The following UQCRB variants were observed in gnomAD, a reference collection of about 807,000 sequenced individuals.
The protein encoded by UQCRB is ubiquinol-cytochrome c reductase binding protein.
In UQCRB, 12 loss-of-function variants were observed where a neutral mutation model predicts 19.8. The ratio of observed to expected loss-of-function variants is 0.61; its 90% CI spans 0.39 to 0.98. The LOEUF (loss-of-function observed/expected upper bound fraction) is 0.98. Ranked by LOEUF, UQCRB falls within the 50% of genes least tolerant of loss-of-function variation. The pLI is 0.00. For synonymous variants in UQCRB, 39 were observed against 42.9 expected (o/e 0.91, Z 0.35); for missense variants, 142 against 131.8 (o/e 1.08, Z -0.38).
Position 96,226,746 on chromosome 8 carries a change from T to A in UQCRB, c.*4309A>T, listed in dbSNP as rs1211988676. The A allele has an allele frequency of 2.5e-6, 1 of 394,018 alleles. No individual in the cohort carries two copies. Among genetic ancestry groups the A allele is most frequent in the African/African-American group, 2.1e-5 (1 of 47,182 alleles). 24.4% of individuals were successfully genotyped at this position (394,018 alleles called of 1,614,324 possible). A position where few individuals can be genotyped will look rare whatever the true frequency, so the allele number is the denominator to read the frequency against. On this transcript the variant is annotated 3_prime_UTR_variant, in exon 4 of 4. Transcript: ENST00000287022. The stretch of plus-strand genomic sequence containing the variant: ...TTACATTTATGCAAAAATAGGCACA[T>A]GTATTCAAACAAAAAGTTCAATAAA...
intron 3 of UQCRB, 36 bp from the exon 4 acceptor site, chr8:96,231,168 C>G (rs7837412): frequency 6.2e-7 from 1 of 1,614,108 alleles, no homozygotes; most frequent in African/African-American, 1.3e-5. Context: ...GTTACCATCA[C>G]GTACTGATAT....
rs1809631757 is a variant in UQCRB, at chr8:96,230,233, G to A, written c.*822C>T. 4 of 431,386 alleles carry A rather than the reference G, an allele frequency of 9.3e-6. No homozygotes were observed. Among genetic ancestry groups the A allele is most frequent in the African/African-American group, 4.1e-5 (2 of 48,862 alleles). 26.7% of individuals were successfully genotyped at this position (431,386 alleles called of 1,614,324 possible). Reference sequence around the variant, plus strand: ...TGGGATTACAGGTGCCTACCATCACGCCTAGCTAATTTTTTGTATTTTTAG... The same window carrying A: ...TGGGATTACAGGTGCCTACCATCACACCTAGCTAATTTTTTGTATTTTTAG... On this transcript the variant is annotated 3_prime_UTR_variant, in exon 4 of 4. Coordinates refer to ENST00000287022, the MANE Select transcript of UQCRB (RefSeq NM_006294.5).
At position 96,228,353 on chromosome 8, in the gene UQCRB, A is replaced by G. The variant is rs1481301287; in HGVS notation, c.*2702T>C. ...ATGTCACCCATCCAAAACACAAAAC[A>G]GGGAGATAGCCAAGTCTTAGCTCCA... is the stretch of plus-strand genomic sequence containing the variant. On this transcript the variant is annotated 3_prime_UTR_variant, in exon 4 of 4. Transcript: ENST00000287022. The G allele has an allele frequency of 2.2e-6, 1 of 454,134 alleles. No homozygotes were observed. Among genetic ancestry groups the G allele is most frequent in the Non-Finnish European group, 4.4e-6 (1 of 226,784 alleles). The allele number at this position is 454,134 out of a possible 1,614,324, so 28.1% of individuals were successfully genotyped here.
chr8:96,231,369 G>A (rs1462288499), intron 3 of UQCRB: 2 of 1,542,006 alleles, frequency 1.3e-6, no homozygotes, highest in Non-Finnish European at 1.7e-6. Flanking sequence ...AGAAATGAAT[G>A]TCCACAGGCC....
rs1180556311 is a variant in UQCRB, at chr8:96,224,135, C to T, written c.*6920G>A. On this transcript the variant is annotated 3_prime_UTR_variant, in exon 4 of 4. Transcript: ENST00000287022. ...GCCCAGTTCTGTGTGAGTCAGAGTCCTGGCAGGAAAGTGTGGCACACCCAA... is the reference window on the plus strand; with the variant it reads ...GCCCAGTTCTGTGTGAGTCAGAGTCTTGGCAGGAAAGTGTGGCACACCCAA... 2.0e-5 allele frequency among the ~76,000 whole-genome samples: 3 copies of T among 152,172 alleles called. No homozygotes were observed. Among genetic ancestry groups the T allele is most frequent in the Non-Finnish European group, 2.9e-5 (2 of 68,030 alleles).
Position 96,231,755 on chromosome 8 carries a change from G to A in UQCRB, c.258+19C>T. 6.2e-7 allele frequency: 1 copy of A among 1,614,080 alleles called. No homozygotes were observed. Among genetic ancestry groups the A allele is most frequent in the South Asian group, 1.1e-5 (1 of 91,086 alleles). On this transcript the variant is annotated intron_variant, in intron 3 of 3. Coordinates refer to ENST00000287022, the MANE Select transcript of UQCRB (RefSeq NM_006294.5). ...CATCCTTAATGAGCAACACTGTCAG[G>A]TAGATAAAGCTGTGCTACCTCTTCA...
chr8:96,233,474 G>A, intron 1 of UQCRB: 2 of 459,436 alleles, frequency 4.4e-6, no homozygotes, highest in South Asian at 2.6e-5. Flanking sequence ...AGTGGTTGCA[G>A]GAAAATGGTG....
rs1400214039 is a variant in UQCRB, at chr8:96,223,313, A to T, written c.*7742T>A. Among the ~76,000 whole-genome samples the T allele has an allele frequency of 6.6e-6, 1 of 152,216 alleles. No homozygotes were observed. The highest frequency in any genetic ancestry group is 1.5e-5 in the Non-Finnish European group (1 of 68,040). On this transcript the variant is annotated 3_prime_UTR_variant, in exon 4 of 4. Transcript: ENST00000287022. ...CCTTAAATAAAAAAGAAAAGACAAC[A>T]TAGCAATTTCAAGGAAGACAGAATT...
In UQCRB at chr8:96,228,226, T is replaced by C. The variant is rs1274636500; in HGVS notation, c.*2829A>G. 1 of 454,064 alleles carries C rather than the reference T, an allele frequency of 2.2e-6. No homozygotes were observed. The highest frequency in any genetic ancestry group is 2.3e-5 in the Admixed American group (1 of 42,564). The allele number at this position is 454,064 out of a possible 1,614,324, so 28.1% of individuals were successfully genotyped here. A position where few individuals can be genotyped will look rare whatever the true frequency, so the allele number is the denominator to read the frequency against. ...AACTTTCTTCAAGATGTAGGAAAAC[T>C]GTATATTCAAAACCAATCTCAAACT... On this transcript the variant is annotated 3_prime_UTR_variant, in exon 4 of 4. Transcript: ENST00000287022.
Position 96,226,966 on chromosome 8 carries a change from G to C in UQCRB, c.*4089C>G, listed in dbSNP as rs1216018200. On this transcript the variant is annotated 3_prime_UTR_variant, in exon 4 of 4. Coordinates refer to ENST00000287022, the MANE Select transcript of UQCRB (RefSeq NM_006294.5). ...TTTCTTAGCAAAATATAACTTAGAG[G>C]CACTATCCGACCTGAGATCTCAGAT... The C allele has an allele frequency of 4.4e-6, 2 of 453,958 alleles. No individual in the cohort carries two copies. The highest frequency in any genetic ancestry group is 1.4e-4 in the East Asian group (2 of 14,394). 28.1% of individuals were successfully genotyped at this position (453,958 alleles called of 1,614,324 possible). A position where few individuals can be genotyped will look rare whatever the true frequency, so the allele number is the denominator to read the frequency against.
In UQCRB at chr8:96,230,024, A is replaced by G; in HGVS notation, c.*1031T>C. 1 of 454,042 alleles carries G rather than the reference A, an allele frequency of 2.2e-6. No homozygotes were observed. The highest frequency in any genetic ancestry group is 4.4e-6 in the Non-Finnish European group (1 of 226,786). 28.1% of individuals were successfully genotyped at this position (454,042 alleles called of 1,614,324 possible). ...CTACTAGCTGTGGCTCCACACTCTCACCTCTACCAAAGAAAGCATTTCAGA... is the reference window on the plus strand; with the variant it reads ...CTACTAGCTGTGGCTCCACACTCTCGCCTCTACCAAAGAAAGCATTTCAGA... On this transcript the variant is annotated 3_prime_UTR_variant, in exon 4 of 4. Coordinates refer to ENST00000287022, the MANE Select transcript of UQCRB (RefSeq NM_006294.5).
At chr8:96,234,714 G>A (rs747753896) in intron 1 of UQCRB, 4 of 370,600 alleles carry the variant, frequency 1.1e-5, no homozygotes, top group African/African-American at 2.1e-5. Context: ...TTGCATTGCA[G>A]TGAGACGAGA....
At chr8:96,235,446 C>G (rs1809788212) in intron 1 of UQCRB, 66 bp downstream of exon 1, 1 of 1,611,812 alleles carries the variant, frequency 6.2e-7, no homozygotes, top group South Asian at 1.1e-5. Flanking sequence ...GAAAACGGAG[C>G]AAGCTGCAGC....
At position 96,227,960 on chromosome 8, in the gene UQCRB, T is replaced by A; in HGVS notation, c.*3095A>T. The A allele has an allele frequency of 2.2e-6, 1 of 454,122 alleles. No individual in the cohort carries two copies. Among genetic ancestry groups the A allele is most frequent in the Non-Finnish European group, 4.4e-6 (1 of 226,792 alleles). 28.1% of individuals were successfully genotyped at this position (454,122 alleles called of 1,614,324 possible). On this transcript the variant is annotated 3_prime_UTR_variant, in exon 4 of 4. Transcript: ENST00000287022. ...CGTCACATAAATATTCAGACCATGA[T>A]AACTCAGTGCAGGAATGTTATCAAA...
rs765259791 is a variant in UQCRB, at chr8:96,230,630, T to C, written c.*425A>G. 1 of 456,952 alleles carries C rather than the reference T, an allele frequency of 2.2e-6. No homozygotes were observed. Among genetic ancestry groups the C allele is most frequent in the Non-Finnish European group, 4.4e-6 (1 of 228,882 alleles). 28.3% of individuals were successfully genotyped at this position (456,952 alleles called of 1,614,324 possible). A position where few individuals can be genotyped will look rare whatever the true frequency, so the allele number is the denominator to read the frequency against. On this transcript the variant is annotated 3_prime_UTR_variant, in exon 4 of 4. Coordinates refer to ENST00000287022, the MANE Select transcript of UQCRB (RefSeq NM_006294.5). The stretch of plus-strand genomic sequence containing the variant: ...GGTGCAGACATAATTTCTTTTTAAA[T>C]GATAGGATGCAAAATCAAATCTGTT...
rs1203554571 is a variant in UQCRB, at chr8:96,233,180, T to C, written c.67A>G (p.Asn23Asp). ...CCCAGTTTATTGAATCCTGCAGCAT[T>C]GTAATACCATTTTCGAATACCATCC... ...WLDGIRKWYY[N>D]AAGFNKLGLM... The change falls in exon 2 of 4, where the codon AAT becomes GAT. Residue 23 changes from asparagine (N) to aspartate (D), a missense_variant. By Grantham distance (23) the Asn-to-Asp change is conservative (BLOSUM62 1). Transcript: ENST00000287022. 6 of 1,613,348 alleles carry C rather than the reference T, an allele frequency of 3.7e-6. No homozygotes were observed. The highest frequency in any genetic ancestry group is 2.7e-5 in the African/African-American group (2 of 74,876).
rs1348304245 is a variant in UQCRB at position 96,227,002 on chromosome 8, T to A, written c.*4053A>T. On this transcript the variant is annotated 3_prime_UTR_variant, in exon 4 of 4. Transcript: ENST00000287022. ...CCTGAGATCTCAGATTCTAACATGT[T>A]ATGGCTTTTAATATGAACGCCAGTA... The A allele has an allele frequency of 2.2e-6, 1 of 453,914 alleles. No individual in the cohort carries two copies. The highest frequency in any genetic ancestry group is 2.0e-5 in the African/African-American group (1 of 49,992). The allele number at this position is 453,914 out of a possible 1,614,324, so 28.1% of individuals were successfully genotyped here.
chr8:96,233,910 A>G (rs1809736010), intron 1 of UQCRB: 1 of 152,724 alleles, frequency 6.5e-6, no homozygotes, highest in Non-Finnish European at 1.5e-5. Flanking sequence ...AGTTCCCCCC[A>G]AGGGAATGGA....
At position 96,228,511 on chromosome 8, in the gene UQCRB, A is replaced by C. The variant is rs376299040; in HGVS notation, c.*2544T>G. 100 of 454,088 alleles carry C rather than the reference A, an allele frequency of 2.2e-4. No homozygotes were observed. The highest frequency in any genetic ancestry group is 1.5e-3 in the South Asian group (96 of 64,482). The allele number at this position is 454,088 out of a possible 1,614,324, so 28.1% of individuals were successfully genotyped here. A position where few individuals can be genotyped will look rare whatever the true frequency, so the allele number is the denominator to read the frequency against. On this transcript the variant is annotated 3_prime_UTR_variant, in exon 4 of 4. Coordinates refer to ENST00000287022, the MANE Select transcript of UQCRB (RefSeq NM_006294.5). The stretch of plus-strand genomic sequence containing the variant: ...GTGCCACATAGAAGGAAGAGAGGAG[A>C]CCTTGGACCTTAGCTACTGGTTAGC...
Sources: gnomAD v4.1 joint callset for allele counts (sites outside exome capture counted in the v4.1 genomes callset) on GRCh38, gnomAD v4.1.1 for gene constraint, MANE v1.5 for transcripts, NCBI Gene and HGNC (gene_info 2026-07-23, HGNC 2026-07-21) for gene names.